DLGAP1: variants seen among roughly 807,000 people sequenced by gnomAD.
The protein encoded by DLGAP1 is DLG associated protein 1, also known as disks large-associated protein 1.
DLGAP1 carries 11 observed loss-of-function variants against 90.8 expected under a neutral mutation model. That is an observed-to-expected ratio of 0.12 (90% confidence interval 0.08 to 0.20). The LOEUF is 0.20. Ranked by LOEUF, DLGAP1 falls within the 10% of genes least tolerant of loss-of-function variation. DLGAP1 has a pLI of 1.00. For synonymous variants in DLGAP1, 558 were observed against 540.7 expected, an observed-to-expected ratio of 1.03 and a Z score of -0.44; for missense variants, 1,050 against 1,333.8, an observed-to-expected ratio of 0.79 and a Z score of 3.31.
chr18:4,309,248 A>T (rs1387941018), intron 1 of DLGAP1, among the ~76,000 whole-genome samples: 1 of 152,214 alleles, frequency 6.6e-6, no homozygotes, highest in Non-Finnish European at 1.5e-5. Context: ...AGTATCATAC[A>T]TGTACTTCAG....
At chr18:3,606,667 A>G (rs758894432) in intron 7 of DLGAP1, 1 of 152,218 alleles carries the variant, frequency 6.6e-6, no homozygotes, top group African/African-American at 2.4e-5. Flanking sequence ...CTTTGACATC[A>G]AGTCGTTACA....
chr18:3,842,763 G>A (rs1425343356), intron 4 of DLGAP1, among the ~76,000 whole-genome samples: 1 of 152,134 alleles, frequency 6.6e-6, no homozygotes, highest in Non-Finnish European at 1.5e-5. Flanking sequence ...GCAGGCTCTT[G>A]GGAAGATACT....
intron 2 of DLGAP1, among the ~76,000 whole-genome samples, chr18:4,039,308 G>C (rs941538013): frequency 2.0e-5 from 3 of 152,064 alleles, no homozygotes; most frequent in African/African-American, 7.2e-5. Flanking sequence ...TTCCCAACAG[G>C]AGACACCCAA....
chr18:3,549,902 AATTT>A (rs969571114), intron 9 of DLGAP1, among the ~76,000 whole-genome samples: 2 of 151,740 alleles, frequency 1.3e-5, no homozygotes, highest in Admixed American at 6.6e-5. Context: ...TTAATTAATT[AATTT>A]ATTTATTATT....
intron 2 of DLGAP1, among the ~76,000 whole-genome samples, chr18:4,074,447 T>C (rs912865957): frequency 1.3e-5 from 2 of 152,204 alleles, no homozygotes; most frequent in African/African-American, 4.8e-5. Context: ...GAAATAATTG[T>C]TTTATATTTC....
intron 9 of DLGAP1, among the ~76,000 whole-genome samples, chr18:3,546,976 TAAA>T (rs55943266): frequency 4.4e-4 from 66 of 149,878 alleles, no homozygotes; most frequent in Middle Eastern, 3.4e-3. Context: ...AGCAGACAGA[TAAA>T]AAAAAAAAAA....
chr18:4,359,200 G>C (rs1201802038), intron 1 of DLGAP1, among the ~76,000 whole-genome samples: 1 of 152,158 alleles, frequency 6.6e-6, no homozygotes, highest in African/African-American at 2.4e-5. Flanking sequence ...GTAAAATATG[G>C]CACCTCGGTA....
intron 7 of DLGAP1, among the ~76,000 whole-genome samples, chr18:3,673,865 G>T (rs542041390): frequency 7.1e-6 from 1 of 141,492 alleles, no homozygotes; most frequent in African/African-American, 2.7e-5. Context: ...TCTTTTGAGA[G>T]GGAGTCTCAC....
At chr18:3,983,153 A>T (rs1251387256) in intron 3 of DLGAP1, 1 of 152,182 alleles carries the variant, frequency 6.6e-6, no homozygotes, top group East Asian at 1.9e-4. Flanking sequence ...TTCAAAGCAA[A>T]ATTATATGCA....
At chr18:4,031,531 C>T (rs2074796018) in intron 2 of DLGAP1, among the ~76,000 whole-genome samples, 1 of 152,160 alleles carries the variant, frequency 6.6e-6, no homozygotes, top group Admixed American at 6.5e-5. Flanking sequence ...GCTGTTATGG[C>T]CCCTTTAGAG....
chr18:4,210,056 A>T (rs2077810270), intron 1 of DLGAP1, among the ~76,000 whole-genome samples: 1 of 152,156 alleles, frequency 6.6e-6, no homozygotes, highest in African/African-American at 2.4e-5. Flanking sequence ...TTTAAAATTC[A>T]CATCCTTAGA....
intron 1 of DLGAP1, among the ~76,000 whole-genome samples, chr18:4,374,962 GAAAA>G (rs892054422): frequency 9.9e-5 from 15 of 152,018 alleles, no homozygotes; most frequent in African/African-American, 3.4e-4. Context: ...AAACTGACAA[GAAAA>G]AAATAAAATA....
At chr18:4,156,935 G>A (rs1269169196) in intron 1 of DLGAP1, among the ~76,000 whole-genome samples, 9 of 152,236 alleles carry the variant, frequency 5.9e-5, no homozygotes, top group Non-Finnish European at 1.3e-4. Flanking sequence ...GGATGGCTGA[G>A]AAACTCTGGA....
At chr18:4,126,497 T>A (rs1161850470) in intron 2 of DLGAP1, among the ~76,000 whole-genome samples, 1 of 152,214 alleles carries the variant, frequency 6.6e-6, no homozygotes, top group South Asian at 2.1e-4. Context: ...TTGCTTTATA[T>A]CGTTGTATAA....
chr18:3,817,870 C>T (rs1410082906), intron 4 of DLGAP1, among the ~76,000 whole-genome samples: 5 of 152,126 alleles, frequency 3.3e-5, no homozygotes, highest in Non-Finnish European at 5.9e-5. Context: ...AAAAAGATAA[C>T]CTTGCAGCTG....
At chr18:3,942,850 AT>A (rs2072797412) in intron 3 of DLGAP1, among the ~76,000 whole-genome samples, 2 of 152,092 alleles carry the variant, frequency 1.3e-5, no homozygotes, top group African/African-American at 4.8e-5. Context: ...TTTTTCTGCT[AT>A]GGATATACCG....
In DLGAP1 at chr18:3,769,031, T is replaced by A. The variant is rs567194230; in HGVS notation, c.1173-26519A>T. Among the ~76,000 whole-genome samples the A allele has an allele frequency of 7.1e-3, 1,076 of 152,242 alleles. 16 individuals are homozygous for A. Among genetic ancestry groups the A allele is most frequent in the African/African-American group, 0.025 (1,021 of 41,500 alleles). ...GAAAATCACATATCTGACAAAGGAT[T>A]AGTACCTAATATAAATACAGTACTT... On this transcript the variant is annotated intron_variant, in intron 5 of 12. Transcript: ENST00000315677.
At chr18:4,095,835 T>A (rs1157022688) in intron 2 of DLGAP1, among the ~76,000 whole-genome samples, 1 of 152,012 alleles carries the variant, frequency 6.6e-6, no homozygotes, top group Non-Finnish European at 1.5e-5. Context: ...TGAAGCTACA[T>A]CAGATTTCTC....
At chr18:3,980,412 G>GC (rs1338361410) in intron 3 of DLGAP1, among the ~76,000 whole-genome samples, 1 of 152,182 alleles carries the variant, frequency 6.6e-6, no homozygotes, top group Non-Finnish European at 1.5e-5. Context: ...CACTTGATGA[G>GC]CAGGAGCAGA....
Sources: allele counts gnomAD v4.1 joint callset (sites outside exome capture counted in the v4.1 genomes callset), GRCh38; gene constraint gnomAD v4.1.1; transcripts MANE v1.5; gene names NCBI Gene and HGNC (gene_info 2026-07-23, HGNC 2026-07-21).